Variants in KDM7A observed in about 807,000 individuals in gnomAD.
KDM7A encodes the protein lysine-specific demethylase 7A.
Under a neutral mutation model 114.8 loss-of-function variants are expected in KDM7A, and 28 were observed. The ratio of observed to expected loss-of-function variants is 0.24; its 90% CI spans 0.18 to 0.33. KDM7A has a LOEUF of 0.33. Among genes scored for constraint, KDM7A ranks in the 10% least tolerant of loss-of-function variants. KDM7A has a pLI of 1.00. For missense variants in KDM7A, 942 were observed against 1,142.5 expected (o/e 0.82, Z 2.53); for synonymous variants, 423 against 397.8 (o/e 1.06, Z -0.75).
At chr7:140,157,368 AC>A (rs1245003593) in intron 1 of KDM7A, among the ~76,000 whole-genome samples, 1 of 152,218 alleles carries the variant, frequency 6.6e-6, no homozygotes, top group Non-Finnish European at 1.5e-5. Flanking sequence ...ATGTGAAAAC[AC>A]TGAGGCCAGG....
At chr7:140,152,381 C>A (rs374473208) in intron 1 of KDM7A, among the ~76,000 whole-genome samples, 7 of 152,122 alleles carry the variant, frequency 4.6e-5, no homozygotes, top group Non-Finnish European at 1.0e-4. Flanking sequence ...TCCTAGCACT[C>A]TGGGAGGCCA....
At chr7:140,101,523 C>T (rs1818224990) in intron 12 of KDM7A, among the ~76,000 whole-genome samples, 1 of 152,186 alleles carries the variant, frequency 6.6e-6, no homozygotes, top group Admixed American at 6.5e-5. Context: ...ACCCCATCCC[C>T]CTTTATTCTG....
In KDM7A at chr7:140,089,089, A is replaced by G. The variant is rs897992481; in HGVS notation, c.*2005T>C. 1.3e-5 allele frequency: 2 copies of G among 152,128 alleles called. No homozygotes were observed. The highest frequency in any genetic ancestry group is 1.3e-4 in the Admixed American group (2 of 15,276). The allele number at this position is 152,128 out of a possible 1,614,324, so 9.4% of individuals were successfully genotyped here. On this transcript the variant is annotated 3_prime_UTR_variant, in exon 20 of 20. Transcript: ENST00000397560. Reference sequence around the variant, plus strand: ...GGATCTACAGAAAAGCAAAAATCACAAGAATATACTGTGTGGGAAGGTAGG... The same window carrying G: ...GGATCTACAGAAAAGCAAAAATCACGAGAATATACTGTGTGGGAAGGTAGG...
At chr7:140,093,939 T>G in intron 18 of KDM7A, 117 bp downstream of exon 18, 1 of 710,950 alleles carries the variant, frequency 1.4e-6, no homozygotes, top group Non-Finnish European at 2.5e-6. Context: ...ACTGTAATTT[T>G]CTGGCTGCCT....
chr7:140,152,280 G>A (rs1484863185), intron 1 of KDM7A, among the ~76,000 whole-genome samples: 1 of 152,062 alleles, frequency 6.6e-6, no homozygotes, highest in African/African-American at 2.4e-5. Flanking sequence ...TGACATAACT[G>A]GTAACAACAT....
At chr7:140,139,041 C>T (rs916189846) in intron 2 of KDM7A, 64 bp downstream of exon 2, 1 of 990,134 alleles carries the variant, frequency 1.0e-6, no homozygotes, top group African/African-American at 1.6e-5. Flanking sequence ...TTACCATGTA[C>T]ATGTAAGTTT....
chr7:140,155,707 C>T (rs952299190), intron 1 of KDM7A, among the ~76,000 whole-genome samples: 2 of 152,196 alleles, frequency 1.3e-5, no homozygotes, highest in Non-Finnish European at 2.9e-5. Context: ...CGATAAATGG[C>T]CACTGGTGTG....
At position 140,127,776 on chromosome 7, in the gene KDM7A, G is replaced by C. The variant is rs79553788; in HGVS notation, c.560-193C>G. 4.3e-3 allele frequency among the ~76,000 whole-genome samples: 659 copies of C among 152,242 alleles called. 8 individuals are homozygous for C. Among genetic ancestry groups the C allele is most frequent in the African/African-American group, 0.015 (611 of 41,540 alleles). On this transcript the variant is annotated intron_variant, in intron 4 of 19. Coordinates refer to ENST00000397560, the MANE Select transcript of KDM7A (RefSeq NM_030647.2). ...TTCAGGAAAAAAGGGACATTTTTCAGAGGAAAAGGAAAGCAGTAAGACAGA... is the reference window on the plus strand; with the variant it reads ...TTCAGGAAAAAAGGGACATTTTTCACAGGAAAAGGAAAGCAGTAAGACAGA...
intron 1 of KDM7A, among the ~76,000 whole-genome samples, 162 bp from the exon 2 acceptor site, chr7:140,139,352 T>C (rs1035438700): frequency 5.9e-5 from 9 of 152,228 alleles, no homozygotes; most frequent in Admixed American, 2.6e-4. Flanking sequence ...TTCTGTTCTC[T>C]ACAAACTTGC....
chr7:140,129,377 C>T lies in KDM7A; in HGVS notation c.559+116G>A, dbSNP rs570514330. ...TCAATATAGATGATACTGAGCCTCA[C>T]TTTTCTGAGCAGAAAACTAAATTGA... On this transcript the variant is annotated intron_variant, in intron 4 of 19. Transcript: ENST00000397560. 3.3e-4 allele frequency: 292 copies of T among 877,214 alleles called. 2 individuals carry two copies. In the African/African-American group the frequency reaches 4.5e-3, roughly 14 times the overall value. 54.3% of individuals were successfully genotyped at this position (877,214 alleles called of 1,614,324 possible).
intron 11 of KDM7A, among the ~76,000 whole-genome samples, 193 bp downstream of exon 11, chr7:140,110,902 T>A (rs897289624): frequency 6.6e-6 from 1 of 152,230 alleles, no homozygotes; most frequent in Admixed American, 6.5e-5. Flanking sequence ...TTAGAATTCA[T>A]TAGAATACAA....
At chr7:140,091,567 A>G (rs567472585) in intron 19 of KDM7A, among the ~76,000 whole-genome samples, 2 of 152,178 alleles carry the variant, frequency 1.3e-5, no homozygotes, top group South Asian at 4.2e-4. Flanking sequence ...ACTTTCCCCA[A>G]TTCAGCCTGG....
intron 9 of KDM7A, 38 bp from the exon 10 acceptor site, chr7:140,113,620 T>G (rs750767560): frequency 9.1e-7 from 1 of 1,104,926 alleles, no homozygotes; most frequent in Non-Finnish European, 1.4e-6. Context: ...AAAAAATAGT[T>G]AAAATGTTCT....
intron 3 of KDM7A, among the ~76,000 whole-genome samples, chr7:140,132,511 A>G (rs1173162594): frequency 6.6e-6 from 1 of 152,224 alleles, no homozygotes; most frequent in African/African-American, 2.4e-5. Flanking sequence ...CACCACCAGA[A>G]GCAGACTGAA....
chr7:140,138,802 T>C (rs1405512047), intron 2 of KDM7A, among the ~76,000 whole-genome samples: 1 of 152,198 alleles, frequency 6.6e-6, no homozygotes, highest in Non-Finnish European at 1.5e-5. Context: ...GTGAAATCAG[T>C]TTCCAGAAAC....
intron 11 of KDM7A, among the ~76,000 whole-genome samples, 188 bp from the exon 12 acceptor site, chr7:140,102,348 T>C (rs1010395178): frequency 1.3e-5 from 2 of 151,936 alleles, no homozygotes; most frequent in Admixed American, 1.3e-4. Flanking sequence ...CTCTCCAACA[T>C]AATATACTGT....
intron 9 of KDM7A, among the ~76,000 whole-genome samples, chr7:140,118,540 G>A (rs897286330): frequency 6.6e-6 from 1 of 151,690 alleles, no homozygotes; most frequent in Admixed American, 6.6e-5. Flanking sequence ...CAAGTAGCTG[G>A]GATTACAGGC....
chr7:140,133,072 G>T (rs764672888), intron 3 of KDM7A, among the ~76,000 whole-genome samples: 2 of 152,128 alleles, frequency 1.3e-5, no homozygotes, highest in Non-Finnish European at 2.9e-5. Context: ...AAATCAAAAA[G>T]CCCACCCCTG....
intron 1 of KDM7A, among the ~76,000 whole-genome samples, chr7:140,162,057 C>T (rs1428759572): frequency 6.6e-6 from 1 of 152,020 alleles, no homozygotes; most frequent in East Asian, 1.9e-4. Context: ...ACTGATAGGC[C>T]AGGCATGGTG....
Sources: gnomAD v4.1 joint callset for allele counts (sites outside exome capture counted in the v4.1 genomes callset) on GRCh38, gnomAD v4.1.1 for gene constraint, MANE v1.5 for transcripts, NCBI Gene and HGNC (gene_info 2026-07-23, HGNC 2026-07-21) for gene names.